The following CHL1 variants were observed in gnomAD, a reference collection of about 807,000 sequenced individuals.
CHL1 encodes cell adhesion molecule L1 like, also known as neural cell adhesion molecule L1-like protein.
In CHL1, 96 loss-of-function variants were observed where a neutral mutation model predicts 141.9. That is an observed-to-expected ratio of 0.68 (90% CI 0.57 to 0.80). The LOEUF is 0.80. Ranked by LOEUF, CHL1 falls within the 30% of genes least tolerant of loss-of-function variation. CHL1 has a pLI of 0.00. For missense variants in CHL1, 1,820 were observed against 1,457.2 expected (o/e 1.25, Z -4.05); for synonymous variants, 613 against 502.2 (o/e 1.22, Z -2.95).
chr3:397,283 C>A (rs1256825261), intron 24 of CHL1, among the ~76,000 whole-genome samples: 1 of 151,904 alleles, frequency 6.6e-6, no homozygotes, highest in Non-Finnish European at 1.5e-5. Flanking sequence ...ATATAATTGG[C>A]CTTATTTCTC....
At chr3:291,463 T>G (rs1274156333) in intron 2 of CHL1, among the ~76,000 whole-genome samples, 1 of 148,464 alleles carries the variant, frequency 6.7e-6, no homozygotes, top group Non-Finnish European at 1.5e-5. Flanking sequence ...TTTCTTTTTC[T>G]TTTTTTTAAC....
chr3:232,120 C>CAAA (rs1701917620), intron 1 of CHL1, among the ~76,000 whole-genome samples: 1 of 151,078 alleles, frequency 6.6e-6, no homozygotes, highest in South Asian at 2.1e-4. Context: ...GTATATTCAT[C>CAAA]TCCTTAACTG....
At chr3:301,421 C>T (rs1424787352) in intron 2 of CHL1, among the ~76,000 whole-genome samples, 1 of 152,152 alleles carries the variant, frequency 6.6e-6, no homozygotes, top group Non-Finnish European at 1.5e-5. Flanking sequence ...CATTGCCAAC[C>T]TCCTACTGGC....
chr3:334,101 C>T (rs551130233), intron 5 of CHL1, among the ~76,000 whole-genome samples: 4 of 152,282 alleles, frequency 2.6e-5, no homozygotes, highest in East Asian at 1.9e-4. Flanking sequence ...GGACTACAGG[C>T]ATGTACCACC....
chr3:346,132 A>C (rs2125175070), intron 9 of CHL1, among the ~76,000 whole-genome samples: 2 of 152,334 alleles, frequency 1.3e-5, no homozygotes, highest in South Asian at 4.1e-4. Flanking sequence ...GTACATTCTG[A>C]ACGACTGGTT....
At chr3:216,480 C>T (rs1457242917) in intron 1 of CHL1, among the ~76,000 whole-genome samples, 1 of 152,132 alleles carries the variant, frequency 6.6e-6, no homozygotes, top group African/African-American at 2.4e-5. Context: ...TACCAGAATA[C>T]TTTTATGAAT....
chr3:206,637 G>A (rs1180369199), intron 1 of CHL1, among the ~76,000 whole-genome samples: 1 of 152,188 alleles, frequency 6.6e-6, no homozygotes, highest in Admixed American at 6.5e-5. Context: ...CTACTTGGGA[G>A]GCTGAGGTGG....
chr3:226,019 A>G lies in CHL1; in HGVS notation c.-174-18594A>G, dbSNP rs1485445834. Among the ~76,000 whole-genome samples the G allele has an allele frequency of 2.3e-5, 3 of 129,694 alleles. No individual in the cohort carries two copies. In the East Asian group the frequency reaches 6.7e-4, roughly 29 times the overall value. The allele number at this position is 129,694 out of a possible 152,430, so 85.1% of individuals were successfully genotyped here. On this transcript the variant is annotated intron_variant, in intron 1 of 27. Coordinates refer to ENST00000256509, the MANE Select transcript of CHL1 (RefSeq NM_006614.4). The stretch of plus-strand genomic sequence containing the variant: ...ATGAGACTCTGTCTAAAAAAAAGAG[A>G]CACGTTAATCTTAACTTTTTTTGAG...
intron 26 of CHL1, among the ~76,000 whole-genome samples, chr3:399,859 C>A (rs988949142): frequency 6.6e-6 from 1 of 152,176 alleles, no homozygotes; most frequent in African/African-American, 2.4e-5. Context: ...ATATTACTGG[C>A]TCCACTGGTC....
intron 14 of CHL1, among the ~76,000 whole-genome samples, chr3:364,722 T>C (rs894598229): frequency 6.6e-5 from 10 of 152,206 alleles, no homozygotes; most frequent in African/African-American, 2.4e-4. Flanking sequence ...GCATGAGCTT[T>C]AGTCTCAGGC....
rs1411709464 is a variant in CHL1, at chr3:398,276, C to G, written c.3144C>G (p.His1048Gln). 4 of 1,606,002 alleles carry G rather than the reference C, an allele frequency of 2.5e-6. No homozygotes were observed. Among genetic ancestry groups the G allele is most frequent in the Admixed American group, 1.7e-5 (1 of 59,868 alleles). The change falls in exon 25 of 28, where the codon CAC (histidine) becomes CAG (glutamine). Residue 1048 changes from histidine to glutamine, a missense_variant. By Grantham distance (24) the His-to-Gln change is conservative (BLOSUM62 0). Transcript: ENST00000256509. ...GAGTAAATCTTACTCAAAAGACTCACCCAATAGAGGTATTTGAGCCGGGAG... is the reference window on the plus strand; with the variant it reads ...GAGTAAATCTTACTCAAAAGACTCAGCCAATAGAGGTATTTGAGCCGGGAG... Reference protein sequence around the residue: ...ISGVNLTQKTHPIEVFEPGAE... With the variant: ...ISGVNLTQKTQPIEVFEPGAE...
chr3:389,188 T>C, intron 19 of CHL1, 64 bp from the exon 20 acceptor site: 1 of 1,318,372 alleles, frequency 7.6e-7, no homozygotes, highest in Non-Finnish European at 1.1e-6. Context: ...TTAGGGTGGT[T>C]CACCATCATC....
intron 15 of CHL1, among the ~76,000 whole-genome samples, chr3:374,270 C>T (rs1322391100): frequency 1.3e-5 from 2 of 152,098 alleles, no homozygotes; most frequent in Non-Finnish European, 2.9e-5. Flanking sequence ...ACAACCAGTT[C>T]TCATTGAAAC....
At chr3:331,245 C>G (rs1701417314) in intron 5 of CHL1, among the ~76,000 whole-genome samples, 1 of 151,644 alleles carries the variant, frequency 6.6e-6, no homozygotes. Context: ...TTGTTTTTGA[C>G]AGGAACTCAC....
intron 19 of CHL1, 42 bp downstream of exon 19, chr3:383,928 C>T (rs1324936275): frequency 5.0e-6 from 7 of 1,387,750 alleles, no homozygotes; most frequent in South Asian, 1.2e-5. Context: ...TTGTGCTTTT[C>T]TCTTCCTCTT....
chr3:399,285 A>G, intron 26 of CHL1, 137 bp downstream of exon 26: 1 of 656,206 alleles, frequency 1.5e-6, no homozygotes, highest in Non-Finnish European at 2.7e-6. Context: ...ATGCACTGAC[A>G]GGAAAAACGT....
chr3:260,591 C>T (rs1034417337), intron 2 of CHL1, among the ~76,000 whole-genome samples: 6 of 152,156 alleles, frequency 3.9e-5, no homozygotes, highest in Admixed American at 2.0e-4. Context: ...CAGGCACAGG[C>T]ACTTGCAGAC....
intron 1 of CHL1, among the ~76,000 whole-genome samples, chr3:241,732 T>C (rs4684335): frequency 0.51 from 77,118 of 151,964 alleles, 21,228 homozygotes; most frequent in Non-Finnish European, 0.62. Context: ...TCGCCTTAAA[T>C]TACTTTCTTT....
At position 405,757 on chromosome 3, in the gene CHL1, T is replaced by A; in HGVS notation, c.*46T>A. The A allele has an allele frequency of 1.4e-6, 2 of 1,422,290 alleles. No individual in the cohort carries two copies. Among genetic ancestry groups the A allele is most frequent in the East Asian group, 4.6e-5 (2 of 43,758 alleles). 88.1% of individuals were successfully genotyped at this position (1,422,290 alleles called of 1,614,324 possible). Reference sequence around the variant, plus strand: ...GCTACTGGTTCACCCCAACCTTCCATATTTATCTGTTCAAAGGAGCAAGAA... The same window carrying A: ...GCTACTGGTTCACCCCAACCTTCCAAATTTATCTGTTCAAAGGAGCAAGAA... On this transcript the variant is annotated 3_prime_UTR_variant, in exon 28 of 28. Transcript: ENST00000256509.
Sources: allele counts gnomAD v4.1 joint callset (sites outside exome capture counted in the v4.1 genomes callset), GRCh38; gene constraint gnomAD v4.1.1; transcripts MANE v1.5; gene names NCBI Gene and HGNC (gene_info 2026-07-23, HGNC 2026-07-21).